The following SPRED1 variants were observed in gnomAD, a reference collection of about 807,000 sequenced individuals.
SPRED1 encodes the protein sprouty-related, EVH1 domain-containing protein 1.
In SPRED1, 18 loss-of-function variants were observed where a neutral mutation model predicts 52.3. The observed-to-expected ratio is 0.34, with a 90% CI of 0.24 to 0.51. The LOEUF is 0.51. Ranked by LOEUF, SPRED1 falls within the 20% of genes least tolerant of loss-of-function variation. The probability of loss-of-function intolerance (pLI) is 0.97; values close to 1 mark genes in which losing one functional copy is unlikely to be tolerated. For synonymous variants in SPRED1, 155 were observed against 179.7 expected (o/e 0.86, Z 1.10); for missense variants, 485 against 551.0 (o/e 0.88, Z 1.20).
chr15:38,340,212 T>C (rs1395384260), intron 5 of SPRED1, among the ~76,000 whole-genome samples: 1 of 152,204 alleles, frequency 6.6e-6, no homozygotes, highest in Admixed American at 6.5e-5. Context: ...TACTATATGT[T>C]TTTATAGATC....
intron 2 of SPRED1, among the ~76,000 whole-genome samples, chr15:38,316,121 C>T (rs538818854): frequency 6.6e-6 from 1 of 152,074 alleles, no homozygotes; most frequent in East Asian, 1.9e-4. Flanking sequence ...TTATTTTGAA[C>T]ACTTTTCACT....
chr15:38,293,853 G>A (rs1428272149), intron 1 of SPRED1, among the ~76,000 whole-genome samples: 1 of 152,106 alleles, frequency 6.6e-6, no homozygotes, highest in Non-Finnish European at 1.5e-5. Context: ...TCTATTGAGT[G>A]TCCTTAGCCT....
intron 2 of SPRED1, among the ~76,000 whole-genome samples, chr15:38,319,433 G>C (rs923776192): frequency 6.6e-6 from 1 of 152,194 alleles, no homozygotes; most frequent in African/African-American, 2.4e-5. Context: ...AGGCTGGAGT[G>C]CAATGGCATG....
chr15:38,280,318 TA>T (rs995822806), intron 1 of SPRED1, among the ~76,000 whole-genome samples: 3 of 152,148 alleles, frequency 2.0e-5, no homozygotes, highest in Non-Finnish European at 2.9e-5. Context: ...TCCAGCAAGT[TA>T]ATGAAAATCT....
chr15:38,280,620 G>A lies in SPRED1; in HGVS notation c.33-18753G>A, dbSNP rs554623933. ...TTAAAAATGTGATTTTTAGCTTGGG[G>A]CTACTTAGGACATTTGGTTAGGCAG... is the stretch of plus-strand genomic sequence containing the variant. On this transcript the variant is annotated intron_variant, in intron 1 of 6. Transcript: ENST00000299084. 5.3e-5 allele frequency among the ~76,000 whole-genome samples: 8 copies of A among 152,198 alleles called. No homozygotes were observed. In the South Asian group the frequency reaches 1.7e-3, roughly 32 times the overall value.
intron 1 of SPRED1, among the ~76,000 whole-genome samples, chr15:38,269,084 GC>G (rs1258333842): frequency 6.6e-6 from 1 of 151,694 alleles, no homozygotes; most frequent in Non-Finnish European, 1.5e-5. Context: ...GGACTAAGGT[GC>G]CCACCACCAT....
chr15:38,316,765 T>TTTTTTTTTTTTTTTTA (rs1895494877), intron 2 of SPRED1, among the ~76,000 whole-genome samples: 1 of 147,684 alleles, frequency 6.8e-6, no homozygotes, highest in Non-Finnish European at 1.5e-5. Flanking sequence ...TTTTTTTTTT[T>TTTTTTTTTTTTTTTTA]TTTTTTTGGT....
At chr15:38,327,036 C>G (rs1895720572) in intron 4 of SPRED1, among the ~76,000 whole-genome samples, 1 of 152,078 alleles carries the variant, frequency 6.6e-6, no homozygotes, top group Admixed American at 6.6e-5. Flanking sequence ...CCTGTCCTAC[C>G]ATTGTCTTTT....
chr15:38,342,027 G>A (rs1316799813), intron 5 of SPRED1, among the ~76,000 whole-genome samples: 1 of 138,148 alleles, frequency 7.2e-6, no homozygotes, highest in Non-Finnish European at 1.6e-5. Flanking sequence ...GTTGGGTTTG[G>A]GTTTTTTTTT....
intron 2 of SPRED1, among the ~76,000 whole-genome samples, chr15:38,299,761 T>G (rs533258134): frequency 1.3e-5 from 2 of 152,164 alleles, no homozygotes; most frequent in East Asian, 3.9e-4. Flanking sequence ...TTGCTGCTTT[T>G]CCATTTACGC....
intron 4 of SPRED1, among the ~76,000 whole-genome samples, chr15:38,328,365 A>G (rs1895748095): frequency 6.6e-6 from 1 of 152,184 alleles, no homozygotes; most frequent in Admixed American, 6.5e-5. Flanking sequence ...CTATTTCTGC[A>G]CCAATAACTG....
chr15:38,314,452 T>C (rs1895430820), intron 2 of SPRED1, among the ~76,000 whole-genome samples: 1 of 151,914 alleles, frequency 6.6e-6, no homozygotes, highest in African/African-American at 2.4e-5. Context: ...TTCCCAATAT[T>C]ATAATGTCAA....
intron 1 of SPRED1, among the ~76,000 whole-genome samples, chr15:38,263,318 G>A (rs757983020): frequency 2.6e-5 from 4 of 152,162 alleles, no homozygotes; most frequent in Non-Finnish European, 5.9e-5. Flanking sequence ...GGTAGAAAGT[G>A]TCCAACAAGG....
intron 4 of SPRED1, among the ~76,000 whole-genome samples, chr15:38,331,686 G>A (rs1895810670): frequency 6.6e-6 from 1 of 151,998 alleles, no homozygotes; most frequent in Non-Finnish European, 1.5e-5. Context: ...TTTATACTTA[G>A]GTTGAACATC....
chr15:38,282,220 A>G (rs1022351582), intron 1 of SPRED1, among the ~76,000 whole-genome samples: 1 of 152,074 alleles, frequency 6.6e-6, no homozygotes, highest in Non-Finnish European at 1.5e-5. Flanking sequence ...CATGCCTGTA[A>G]TCCCAGCACT....
Position 38,354,602 on chromosome 15 carries a change from G to A in SPRED1, c.*2938G>A, listed in dbSNP as rs1463006883. On this transcript the variant is annotated 3_prime_UTR_variant, in exon 7 of 7. Transcript: ENST00000299084. ...CTACTACCATTAAAGGGCTATTTAT[G>A]TGGTGACCACCTCTACCAGGGAAAC... The A allele has an allele frequency of 1.3e-5, 2 of 152,322 alleles. No individual in the cohort carries two copies. Among genetic ancestry groups the A allele is most frequent in the South Asian group, 2.1e-4 (1 of 4,832 alleles). 9.4% of individuals were successfully genotyped at this position (152,322 alleles called of 1,614,324 possible).
intron 6 of SPRED1, among the ~76,000 whole-genome samples, chr15:38,349,749 G>A (rs999590893): frequency 6.6e-6 from 1 of 152,118 alleles, no homozygotes; most frequent in African/African-American, 2.4e-5. Context: ...GGACCAAAAG[G>A]AATTATATAT....
intron 1 of SPRED1, among the ~76,000 whole-genome samples, chr15:38,259,526 A>G (rs758409699): frequency 6.6e-6 from 1 of 152,216 alleles, no homozygotes; most frequent in Non-Finnish European, 1.5e-5. Flanking sequence ...GATTACTGGC[A>G]TGAGCCACCA....
In SPRED1 at chr15:38,253,137, C is replaced by A. The variant is rs1233247998; in HGVS notation, c.-49C>A. The A allele has an allele frequency of 1.9e-6, 3 of 1,552,706 alleles. No homozygotes were observed. The highest frequency in any genetic ancestry group is 2.6e-6 in the Non-Finnish European group (3 of 1,145,430). ...CCCCTCGGTGCTGCTGTTGCTCCCC[C>A]GCCTGCTGTTGCTCCTCCATCTCCA... On this transcript the variant is annotated 5_prime_UTR_variant, in exon 1 of 7. Coordinates refer to ENST00000299084, the MANE Select transcript of SPRED1 (RefSeq NM_152594.3).
Sources: gnomAD v4.1 joint callset for allele counts (sites outside exome capture counted in the v4.1 genomes callset) on GRCh38, gnomAD v4.1.1 for gene constraint, MANE v1.5 for transcripts, NCBI Gene and HGNC (gene_info 2026-07-23, HGNC 2026-07-21) for gene names.